Variants in ERCC6 observed in about 807,000 individuals in gnomAD.
ERCC6 encodes ERCC excision repair 6, chromatin remodeling factor, also known as DNA excision repair protein ERCC-6.
Under a neutral mutation model 158.7 loss-of-function variants are expected in ERCC6, and 116 were observed. That is an observed-to-expected ratio of 0.73 (90% confidence interval 0.63 to 0.85). The LOEUF (loss-of-function observed/expected upper bound fraction) is 0.85, where lower values mean the gene tolerates loss of function less well. ERCC6 is among the 40% of genes least tolerant of loss of function. The probability of loss-of-function intolerance (pLI) is 0.00; values close to 1 mark genes in which losing one functional copy is unlikely to be tolerated. For synonymous variants in ERCC6, 678 were observed against 659.3 expected (o/e 1.03, Z -0.43); for missense variants, 1,698 against 1,799.4 (o/e 0.94, Z 1.02).
At chr10:49,530,881 C>T in intron 2 of ERCC6, 41 bp from the exon 3 acceptor site, 4 of 1,606,778 alleles carry the variant, frequency 2.5e-6, no homozygotes, top group Non-Finnish European at 3.4e-6. Flanking sequence ...ACTCTGATAA[C>T]ATTTTTATAG....
intron 11 of ERCC6, among the ~76,000 whole-genome samples, chr10:49,476,872 C>A (rs913521030): frequency 3.5e-4 from 54 of 152,198 alleles, no homozygotes; most frequent in African/African-American, 1.1e-3. Context: ...TACATTCCCA[C>A]GGATGCTCAT....
rs1851207012 is a variant in ERCC6 at position 49,493,190 on chromosome 10, T to C, written c.1748A>G (p.Lys583Arg). ...CPTTVMHQWV[K>R]EFHTWWPPFR... ...CGGAGGCCACCACGTGTGAAATTCC[T>C]TCACCCACTGATGCATCACTGTTGT... The change falls in exon 8 of 21, where the codon AAG (lysine) becomes AGG (arginine). Residue 583 changes from lysine to arginine, a missense_variant. Transcript: ENST00000355832. The C allele has an allele frequency of 1.9e-6, 3 of 1,614,154 alleles. No homozygotes were observed. The African/African-American group carries it at 4.0e-5, about 22-fold the overall frequency.
intron 1 of ERCC6, among the ~76,000 whole-genome samples, chr10:49,536,468 A>G (rs1837601289): frequency 6.6e-6 from 1 of 152,204 alleles, no homozygotes; most frequent in Admixed American, 6.5e-5. Context: ...CAGAAGGAGG[A>G]TTCCTGATAG....
Position 49,483,620 on chromosome 10 carries a change from A to G in ERCC6, c.1822-104T>C, listed in dbSNP as rs937312195. 7.9e-6 allele frequency: 9 copies of G among 1,138,824 alleles called. No homozygotes were observed. In the African/African-American group the frequency reaches 9.1e-5, roughly 12 times the overall value. 70.5% of individuals were successfully genotyped at this position (1,138,824 alleles called of 1,614,324 possible). Reference sequence around the variant, plus strand: ...TTTATAAAAATGCACAAATACAAACATAACATGCACAATCACAGACATTAT... The same window carrying G: ...TTTATAAAAATGCACAAATACAAACGTAACATGCACAATCACAGACATTAT... On this transcript the variant is annotated intron_variant, in intron 8 of 20. Coordinates refer to ENST00000355832, the MANE Select transcript of ERCC6 (RefSeq NM_000124.4).
intron 14 of ERCC6, 84 bp downstream of exon 14, chr10:49,473,393 G>C (rs1459118485): frequency 1.1e-6 from 1 of 942,790 alleles, no homozygotes; most frequent in East Asian, 2.4e-5. Flanking sequence ...TGCTGCTTTG[G>C]TGGGTAAGGG....
chr10:49,500,446 T>C (rs1851337076), intron 7 of ERCC6, 92 bp downstream of exon 7: 1 of 1,408,216 alleles, frequency 7.1e-7, no homozygotes, highest in Non-Finnish European at 1.0e-6. Context: ...TGAAATGTCA[T>C]CAATAATTCA....
intron 8 of ERCC6, chr10:49,488,069 G>C (rs570479069): frequency 6.2e-6 from 1 of 160,952 alleles, no homozygotes; most frequent in Non-Finnish European, 1.4e-5. Context: ...AAATCATCTC[G>C]GGCGGTTTCA....
downstream of ERCC6, among the ~76,000 whole-genome samples, chr10:49,450,154 C>T (rs1305480805): frequency 6.6e-6 from 1 of 152,194 alleles, no homozygotes; most frequent in Non-Finnish European, 1.5e-5. Context: ...CAGGCATGGG[C>T]CGTCATACCC....
In ERCC6 at chr10:49,458,816, T is replaced by C. The variant is rs1343827047; in HGVS notation, c.4481A>G (p.Ter1494=). The change falls in exon 21 of 21, where the codon TAA becomes TGA. Residue 1494 remains the stop codon, a stop_retained_variant. Transcript: ENST00000355832. Reference sequence around the variant, plus strand: ...TGAAAGTTTAGGAAGCAATGTTGTTTAGCAGTATTCTGGCTTGAGTTTCCA... The same window carrying C: ...TGAAAGTTTAGGAAGCAATGTTGTTCAGCAGTATTCTGGCTTGAGTTTCCA... ...GIWKLKPEYC[*] 6.2e-7 allele frequency: 1 copy of C among 1,614,152 alleles called. No individual in the cohort carries two copies. Among genetic ancestry groups the C allele is most frequent in the Non-Finnish European group, 8.5e-7 (1 of 1,179,974 alleles).
Position 49,502,787 on chromosome 10 carries a change from A to G in ERCC6, c.1527-2091T>C, listed in dbSNP as rs371521642. On this transcript the variant is annotated intron_variant, in intron 6 of 20. Coordinates refer to ENST00000355832, the MANE Select transcript of ERCC6 (RefSeq NM_000124.4). ...TAGTAGAGGCCAGAGAAGCTGTTCA[A>G]TATCTGATACTGCACAGGACAGTCC... The G allele has an allele frequency of 3.3e-5, 5 of 152,200 alleles. No individual in the cohort carries two copies. In the East Asian group the frequency reaches 5.8e-4, roughly 18 times the overall value. The allele number at this position is 152,200 out of a possible 1,614,324, so 9.4% of individuals were successfully genotyped here.
upstream of ERCC6, among the ~76,000 whole-genome samples, chr10:49,539,247 A>G (rs894485750): frequency 3.9e-5 from 6 of 152,276 alleles, no homozygotes; most frequent in African/African-American, 1.4e-4. Flanking sequence ...GCTGCCGGTC[A>G]GCTGGGTGGC....
chr10:49,516,274 C>T (rs772831369), intron 5 of ERCC6: 15 of 1,614,092 alleles, frequency 9.3e-6, no homozygotes, highest in South Asian at 2.2e-5. Context: ...TGTTTGCACC[C>T]GTGACGACCA....
At chr10:49,529,694 T>C (rs1419760363) in intron 3 of ERCC6, among the ~76,000 whole-genome samples, 1 of 152,072 alleles carries the variant, frequency 6.6e-6, no homozygotes, top group Non-Finnish European at 1.5e-5. Flanking sequence ...GCCCTGCCCC[T>C]GGAGAGCTTA....
downstream of ERCC6, among the ~76,000 whole-genome samples, chr10:49,450,968 C>T (rs1200294339): frequency 3.9e-5 from 6 of 152,086 alleles, no homozygotes; most frequent in South Asian, 2.1e-4. Context: ...CCCGCCACCA[C>T]GCCTGGCTAA....
chr10:49,522,674 A>AAT (rs1297025201), intron 5 of ERCC6, among the ~76,000 whole-genome samples: 1 of 152,218 alleles, frequency 6.6e-6, no homozygotes. Context: ...TAATTGGAAA[A>AAT]ATATATATTG....
At position 49,478,594 on chromosome 10, in the gene ERCC6, G is replaced by A; in HGVS notation, c.2170-124C>T. On this transcript the variant is annotated intron_variant, in intron 10 of 20. Transcript: ENST00000355832. ...AATAACCAACAGCTGTATAAAGTCA[G>A]TGGGAAATGATTGCAAAATGGTTTG... 6 of 738,054 alleles carry A rather than the reference G, an allele frequency of 8.1e-6. No homozygotes were observed. The South Asian group carries it at 8.9e-5, about 11-fold the overall frequency. The allele number at this position is 738,054 out of a possible 1,614,324, so 45.7% of individuals were successfully genotyped here.
chr10:49,489,695 T>C (rs974746873), intron 8 of ERCC6, among the ~76,000 whole-genome samples: 1 of 152,200 alleles, frequency 6.6e-6, no homozygotes, highest in Non-Finnish European at 1.5e-5. Context: ...AGACAACTGT[T>C]TCAGAACATA....
At chr10:49,444,928 C>G in the ERCC6 span, among the ~76,000 whole-genome samples, 1 of 151,990 alleles carries the variant, frequency 6.6e-6, no homozygotes, top group Non-Finnish European at 1.5e-5. Flanking sequence ...CAATTGAAAC[C>G]AGCAGTATAT....
intron 5 of ERCC6, among the ~76,000 whole-genome samples, chr10:49,506,946 C>A (rs1007158027): frequency 5.6e-4 from 85 of 151,810 alleles, no homozygotes; most frequent in African/African-American, 1.9e-3. Context: ...GAAATGCTTT[C>A]AAACTACAAT....
Sources: gnomAD v4.1 joint callset for allele counts (sites outside exome capture counted in the v4.1 genomes callset) on GRCh38, gnomAD v4.1.1 for gene constraint, MANE v1.5 for transcripts, NCBI Gene and HGNC (gene_info 2026-07-23, HGNC 2026-07-21) for gene names.